Variants in EML4 observed in about 807,000 individuals in gnomAD.
The protein encoded by EML4 is echinoderm microtubule-associated protein-like 4.
EML4 carries 72 observed loss-of-function variants against 129.0 expected under a neutral mutation model. The ratio of observed to expected loss-of-function variants is 0.56; its 90% CI spans 0.46 to 0.68. The LOEUF (loss-of-function observed/expected upper bound fraction) is 0.68. Ranked by LOEUF, EML4 falls within the 30% of genes least tolerant of loss-of-function variation. The pLI is 0.00. For missense variants in EML4, 1,363 were observed against 1,190.6 expected (o/e 1.14, Z -2.13); for synonymous variants, 532 against 405.0 (o/e 1.31, Z -3.77).
In EML4 at chr2:42,286,374, A is replaced by G. The variant is rs142718195; in HGVS notation, c.1117A>G (p.Lys373Glu). The G allele has an allele frequency of 6.3e-7, 1 of 1,598,562 alleles. No individual in the cohort carries two copies. The change falls in exon 10 of 23, where the codon AAA (lysine) becomes GAA (glutamate). Residue 373 changes from lysine (K) to glutamate (E), a missense_variant. Transcript: ENST00000318522. ...ERGVGCLDFS[K>E]ADSGVHLCII... is the part of the protein sequence containing the mutation. Reference sequence around the variant, plus strand: ...TGGAGTAGGATGCCTGGATTTTTCAAAAGCAGTAAGTAACAATTTTTAGAG... The same window carrying G: ...TGGAGTAGGATGCCTGGATTTTTCAGAAGCAGTAAGTAACAATTTTTAGAG...
intron 6 of EML4, among the ~76,000 whole-genome samples, chr2:42,277,935 C>T (rs1181183691): frequency 1.3e-5 from 2 of 152,154 alleles, no homozygotes; most frequent in African/African-American, 4.8e-5. Flanking sequence ...TCTTTCCTTC[C>T]TCTTCATGGT....
At chr2:42,315,745 G>A (rs1669211364) in intron 17 of EML4, among the ~76,000 whole-genome samples, 2 of 152,078 alleles carry the variant, frequency 1.3e-5, no homozygotes, top group South Asian at 4.1e-4. Flanking sequence ...GCCAGGCACG[G>A]TGGTATGCAC....
rs1665706308 is a variant in EML4 at position 42,261,107 on chromosome 2, AC to A, written c.339-13del. On this transcript the variant is annotated splice_polypyrimidine_tract_variant and intron_variant, in intron 3 of 22. Coordinates refer to ENST00000318522, the MANE Select transcript of EML4 (RefSeq NM_019063.5). ...TTAAATGTGTATTGTTCCATGTTAT[AC>A]TTTATTTTACAGTGGTACAGAAAAA... 6.3e-7 allele frequency: 1 copy of A among 1,575,128 alleles called. No homozygotes were observed. Among genetic ancestry groups the A allele is most frequent in the Non-Finnish European group, 8.7e-7 (1 of 1,155,032 alleles).
intron 17 of EML4, among the ~76,000 whole-genome samples, chr2:42,306,127 G>C (rs1391191289): frequency 6.6e-6 from 1 of 152,150 alleles, no homozygotes; most frequent in African/African-American, 2.4e-5. Context: ...AAATATAGAA[G>C]GCTAGCTCAG....
intron 1 of EML4, among the ~76,000 whole-genome samples, chr2:42,237,355 A>G (rs939462370): frequency 6.6e-6 from 1 of 152,196 alleles, no homozygotes; most frequent in Non-Finnish European, 1.5e-5. Context: ...GTAGTTAAGT[A>G]TCAGTATTTT....
rs1666965150 is a variant in EML4 at position 42,280,847 on chromosome 2, CAGA to C, written c.668_670del (p.Glu223del). On this transcript the variant is annotated splice_acceptor_variant and coding_sequence_variant, in exon 7 of 23. Transcript: ENST00000318522. LOFTEE classifies it high-confidence loss of function. ...ACTTAACTTTTGTCTTGTGTTTCAA[CAGA>C]AGGAGAATATATTAAAATGTTTATG... 4 of 1,601,804 alleles carry C rather than the reference CAGA, an allele frequency of 2.5e-6. No individual in the cohort carries two copies. The highest frequency in any genetic ancestry group is 3.4e-6 in the Non-Finnish European group (4 of 1,175,368).
At chr2:42,231,335 A>C (rs1271597217) in intron 1 of EML4, among the ~76,000 whole-genome samples, 1 of 152,174 alleles carries the variant, frequency 6.6e-6, no homozygotes, top group Non-Finnish European at 1.5e-5. Context: ...CCAAGTCATC[A>C]ATTCTCACAA....
At chr2:42,303,698 G>A (rs1369849734) in intron 16 of EML4, among the ~76,000 whole-genome samples, 2 of 152,222 alleles carry the variant, frequency 1.3e-5, no homozygotes, top group East Asian at 3.8e-4. Context: ...GGCCCAGGCA[G>A]GCGGATCACG....
At chr2:42,218,272 C>G (rs2104083444) in intron 1 of EML4, among the ~76,000 whole-genome samples, 1 of 152,136 alleles carries the variant, frequency 6.6e-6, no homozygotes, top group Non-Finnish European at 1.5e-5. Context: ...TGATCTGTCA[C>G]TGTTTTCCAT....
intron 1 of EML4, among the ~76,000 whole-genome samples, chr2:42,227,763 TTAATGAA>T (rs1216297073): frequency 1.3e-5 from 2 of 152,252 alleles, no homozygotes; most frequent in Non-Finnish European, 2.9e-5. Flanking sequence ...CCATTTCCAC[TTAATGAA>T]TAGTGAATAT....
chr2:42,289,900 T>G (rs1667527174), intron 11 of EML4: 1 of 123,254 alleles, frequency 8.1e-6, no homozygotes, highest in South Asian at 2.7e-4. Flanking sequence ...AAGCCCCATC[T>G]CTACTAAAAA....
At chr2:42,266,898 T>C (rs1431692209) in intron 6 of EML4, among the ~76,000 whole-genome samples, 1 of 152,102 alleles carries the variant, frequency 6.6e-6, no homozygotes, top group East Asian at 1.9e-4. Flanking sequence ...TCTACTGAAA[T>C]AGGGAACATT....
At chr2:42,290,618 G>T (rs1667584537) in intron 11 of EML4, among the ~76,000 whole-genome samples, 1 of 151,740 alleles carries the variant, frequency 6.6e-6, no homozygotes, top group African/African-American at 2.4e-5. Flanking sequence ...TGTAGTTCCA[G>T]CTATTTGGGA....
intron 1 of EML4, among the ~76,000 whole-genome samples, chr2:42,204,404 G>A (rs911100416): frequency 6.6e-6 from 1 of 152,132 alleles, no homozygotes; most frequent in Non-Finnish European, 1.5e-5. Flanking sequence ...TTTCTGGAAA[G>A]GGCCAGATAA....
intron 14 of EML4, among the ~76,000 whole-genome samples, chr2:42,301,739 A>G (rs1668297720): frequency 6.6e-6 from 1 of 152,084 alleles, no homozygotes. Flanking sequence ...TTCCAGAGAA[A>G]ATCTTCTGGA....
intron 1 of EML4, among the ~76,000 whole-genome samples, chr2:42,181,994 G>C (rs1240758466): frequency 1.3e-5 from 2 of 151,990 alleles, no homozygotes; most frequent in Non-Finnish European, 2.9e-5. Context: ...AACAGCGTAG[G>C]GTTAATTTTT....
At position 42,261,258 on chromosome 2, in the gene EML4, A is replaced by G. The variant is rs1332845218; in HGVS notation, c.476A>G (p.Gln159Arg). Residue 159 changes from glutamine to arginine, a missense_variant, in exon 4 of 23, where the codon CAA (glutamine) becomes CGA (arginine). Transcript: ENST00000318522. ...PSSQPLQIHR[Q>R]TPESKNATPT... The stretch of plus-strand genomic sequence containing the variant: ...TCACAACCTCTCCAAATACACAGAC[A>G]AACTCCAGAAAGCAAGAATGCTACT... 1.9e-6 allele frequency: 3 copies of G among 1,613,846 alleles called. No individual in the cohort carries two copies. The highest frequency in any genetic ancestry group is 2.2e-5 in the South Asian group (2 of 91,046).
At chr2:42,294,521 C>A (rs1425958969) in intron 11 of EML4, among the ~76,000 whole-genome samples, 1 of 152,104 alleles carries the variant, frequency 6.6e-6, no homozygotes, top group Non-Finnish European at 1.5e-5. Context: ...CATGGTGAAA[C>A]CATGTCTCTA....
chr2:42,246,407 G>C (rs144050934), intron 2 of EML4, among the ~76,000 whole-genome samples: 52 of 152,334 alleles, frequency 3.4e-4, no homozygotes, highest in Non-Finnish European at 6.0e-4. Flanking sequence ...CATTTTGGCA[G>C]TGGGAAAAGT....
Sources: gnomAD v4.1 joint callset for allele counts (sites outside exome capture counted in the v4.1 genomes callset) on GRCh38, gnomAD v4.1.1 for gene constraint, MANE v1.5 for transcripts, NCBI Gene and HGNC (gene_info 2026-07-23, HGNC 2026-07-21) for gene names.